The following KDM2B variants were observed in gnomAD, a reference collection of about 807,000 sequenced individuals.
The protein encoded by KDM2B is lysine-specific demethylase 2B.
KDM2B carries 26 observed loss-of-function variants against 150.0 expected under a neutral mutation model. The ratio of observed to expected loss-of-function variants is 0.17; its 90% CI spans 0.13 to 0.24. The LOEUF is 0.24. KDM2B is among the 10% of genes least tolerant of loss of function. The probability of loss-of-function intolerance (pLI) is 1.00; values close to 1 mark genes in which losing one functional copy is unlikely to be tolerated. For synonymous variants in KDM2B, 734 were observed against 729.5 expected, an observed-to-expected ratio of 1.01 and a Z score of -0.10; for missense variants, 1,265 against 1,816.9, an observed-to-expected ratio of 0.70 and a Z score of 5.52.
intron 4 of KDM2B, among the ~76,000 whole-genome samples, chr12:121,554,933 C>T (rs1293022766): frequency 1.3e-5 from 2 of 152,122 alleles, no homozygotes; most frequent in Non-Finnish European, 2.9e-5. Context: ...CACCTGTAAC[C>T]CCAACACTTT....
intron 6 of KDM2B, among the ~76,000 whole-genome samples, chr12:121,539,947 C>G (rs1435089648): frequency 6.6e-6 from 1 of 152,076 alleles, no homozygotes; most frequent in Non-Finnish European, 1.5e-5. Context: ...GCTGTATTGG[C>G]TAGGCTGCTC....
rs1208517201 is a variant in KDM2B, at chr12:121,467,790, G to A, written c.1735-14446C>T. The stretch of plus-strand genomic sequence containing the variant: ...GGGACGACTCTGCACCCGACGCCAG[G>A]AGCGGGTCCCCAGGTCCCTTGCAGC... On this transcript the variant is annotated intron_variant, in intron 12 of 22. Transcript: ENST00000377071. This position sits in a 1 kb window ranked among gnomAD's most constrained non-coding sequence, Gnocchi z 5.1. 3 of 152,226 alleles carry A rather than the reference G, an allele frequency of 2.0e-5. No individual in the cohort carries two copies. The highest frequency in any genetic ancestry group is 2.9e-5 in the Non-Finnish European group (2 of 68,084). The allele number at this position is 152,226 out of a possible 1,614,324, so 9.4% of individuals were successfully genotyped here.
chr12:121,420,268 C>T, the KDM2B span: 6 of 1,604,210 alleles, frequency 3.7e-6, no homozygotes, highest in African/African-American at 8.1e-5. Flanking sequence ...CTTCAGCAAA[C>T]ACAGAAGATG....
chr12:121,579,526 G>C (rs1009489447), intron 1 of KDM2B: 45 of 1,204,056 alleles, frequency 3.7e-5, no homozygotes, highest in Non-Finnish European at 4.8e-5. Context: ...GCAAGAAGAG[G>C]AGGTGGGGGG....
intron 13 of KDM2B, among the ~76,000 whole-genome samples, chr12:121,451,450 G>A (rs1450505867): frequency 3.9e-5 from 6 of 152,048 alleles, no homozygotes; most frequent in Non-Finnish European, 7.4e-5. Flanking sequence ...ACTGCACAGA[G>A]GTCAGATGGT....
chr12:121,492,829 C>CAA (rs113217508), intron 12 of KDM2B, among the ~76,000 whole-genome samples: 6 of 136,800 alleles, frequency 4.4e-5, no homozygotes, highest in East Asian at 2.1e-4. Context: ...AACTCCGTCT[C>CAA]AAAAAAAAAA....
At chr12:121,448,599 G>A (rs782369343) in intron 13 of KDM2B, among the ~76,000 whole-genome samples, 12 of 152,094 alleles carry the variant, frequency 7.9e-5, no homozygotes, top group South Asian at 4.1e-4. Flanking sequence ...GAGGAAGCAC[G>A]CAGCCAACCT....
At chr12:121,448,094 G>A (rs531565158) in intron 13 of KDM2B, among the ~76,000 whole-genome samples, 76 of 152,146 alleles carry the variant, frequency 5.0e-4, no homozygotes, top group Middle Eastern at 3.4e-3. Context: ...CAAGGCAGGC[G>A]GATTGCCTGA....
Position 121,580,993 on chromosome 12 carries a change from G to C in KDM2B, c.-82C>G, listed in dbSNP as rs966439591. The C allele has an allele frequency of 6.5e-6, 10 of 1,540,414 alleles. No individual in the cohort carries two copies. In the African/African-American group the frequency reaches 1.4e-4, roughly 21 times the overall value. ...AGGACTGCCTAACTTTTAAACTCCC[G>C]GCACTCAAAGATGTGGACACACACA... is the stretch of plus-strand genomic sequence containing the variant. On this transcript the variant is annotated 5_prime_UTR_variant, in exon 1 of 23. Transcript: ENST00000377071.
chr12:121,505,641 C>G (rs1593981657), intron 11 of KDM2B, among the ~76,000 whole-genome samples: 1 of 152,152 alleles, frequency 6.6e-6, no homozygotes. Context: ...TGGGGGCTGT[C>G]TCCAATCACC....
Position 121,452,381 on chromosome 12 carries a change from G to A in KDM2B, c.1959+739C>T, listed in dbSNP as rs1437467305. ...CCTGCGGGGCATCGACAGCCAAGGA[G>A]GAAGGGCTCACCCTATGCCAGGCTG... On this transcript the variant is annotated intron_variant, in intron 13 of 22. Transcript: ENST00000377071. This position sits in a 1 kb window ranked among gnomAD's most constrained non-coding sequence, Gnocchi z 4.4. Among the ~76,000 whole-genome samples the A allele has an allele frequency of 2.0e-5, 3 of 152,252 alleles. No homozygotes were observed. The highest frequency in any genetic ancestry group is 4.8e-5 in the African/African-American group (2 of 41,472).
In KDM2B at chr12:121,445,350, C is replaced by T. The variant is rs782338896; in HGVS notation, c.2028G>A (p.Glu676=). The T allele has an allele frequency of 1.2e-6, 2 of 1,612,562 alleles. No individual in the cohort carries two copies. The highest frequency in any genetic ancestry group is 8.5e-7 in the Non-Finnish European group (1 of 1,178,926). ...GCATGAGGTTAAACTTGCCTTCCTCCTCTTCCACCGTGTCTTCCTTCCCCG... is the reference window on the plus strand; with the variant it reads ...GCATGAGGTTAAACTTGCCTTCCTCTTCTTCCACCGTGTCTTCCTTCCCCG... ...GEAGKEDTVE[E]EEGKFNLMLM... Residue 676 remains glutamate (E), a synonymous_variant, in exon 14 of 23, where the codon GAG becomes GAA. Transcript: ENST00000377071.
intron 12 of KDM2B, among the ~76,000 whole-genome samples, chr12:121,484,654 C>CAA (rs200005995): frequency 1.3e-5 from 2 of 150,914 alleles, no homozygotes; most frequent in African/African-American, 4.9e-5. Flanking sequence ...CCCATCTCTA[C>CAA]AAAAAAAACA....
At position 121,575,755 on chromosome 12, in the gene KDM2B, A is replaced by T; in HGVS notation, c.350+26T>A. 1 of 1,498,580 alleles carries T rather than the reference A, an allele frequency of 6.7e-7. No homozygotes were observed. Among genetic ancestry groups the T allele is most frequent in the Middle Eastern group, 1.7e-4 (1 of 5,842 alleles). 92.8% of individuals were successfully genotyped at this position (1,498,580 alleles called of 1,614,324 possible). On this transcript the variant is annotated intron_variant, in intron 3 of 22. Coordinates refer to ENST00000377071, the MANE Select transcript of KDM2B (RefSeq NM_032590.5). This position sits in a 1 kb window ranked among gnomAD's most constrained non-coding sequence, Gnocchi z 4.4. ...GTATGTTAGGGAGGAAGACGGGGGAAGGAGTGATTAGTTTCAGCAACTTAC... is the reference window on the plus strand; with the variant it reads ...GTATGTTAGGGAGGAAGACGGGGGATGGAGTGATTAGTTTCAGCAACTTAC...
At chr12:121,556,097 T>C (rs922376563) in intron 4 of KDM2B, among the ~76,000 whole-genome samples, 5 of 151,976 alleles carry the variant, frequency 3.3e-5, no homozygotes, top group Admixed American at 6.6e-5. Flanking sequence ...TGGCTAATTT[T>C]TTGTATTTTA....
chr12:121,421,648 G>GA, the KDM2B span, among the ~76,000 whole-genome samples: 2 of 152,064 alleles, frequency 1.3e-5, no homozygotes, highest in African/African-American at 4.8e-5. Flanking sequence ...TTATGGACAA[G>GA]AAAAAATAAT....
intron 22 of KDM2B, chr12:121,433,136 C>G: frequency 2.2e-6 from 1 of 456,700 alleles, no homozygotes; most frequent in Non-Finnish European, 4.4e-6. Flanking sequence ...TCATGCCCAG[C>G]CAGCATTCTT....
intron 4 of KDM2B, among the ~76,000 whole-genome samples, chr12:121,566,211 C>T (rs1244412621): frequency 6.6e-6 from 1 of 152,118 alleles, no homozygotes; most frequent in African/African-American, 2.4e-5. Flanking sequence ...AACTTCTAGG[C>T]CAGGCGTGGT....
At chr12:121,495,561 A>C (rs185564582) in intron 11 of KDM2B, among the ~76,000 whole-genome samples, 493 of 152,256 alleles carry the variant, frequency 3.2e-3, no homozygotes, top group Non-Finnish European at 4.8e-3. Flanking sequence ...TAGCCTACCA[A>C]AATGCTGGGA....
Sources: gnomAD v4.1 joint callset for allele counts (sites outside exome capture counted in the v4.1 genomes callset) on GRCh38, gnomAD v4.1.1 for gene constraint, Gnocchi (gnomAD v3.1) non-coding constraint, MANE v1.5 for transcripts, NCBI Gene and HGNC (gene_info 2026-07-23, HGNC 2026-07-21) for gene names.